YME1L1: variants seen among roughly 807,000 people sequenced by gnomAD.
YME1L1 encodes the protein YME1 like 1 ATPase.
In YME1L1, 39 loss-of-function variants were observed where a neutral mutation model predicts 90.4. That is an observed-to-expected ratio of 0.43 (90% confidence interval 0.33 to 0.56). The LOEUF is 0.56. YME1L1 is among the 20% of genes least tolerant of loss of function. The probability of loss-of-function intolerance (pLI) is 0.03; values close to 1 mark genes in which losing one functional copy is unlikely to be tolerated. For missense variants in YME1L1, 617 were observed against 868.4 expected, an observed-to-expected ratio of 0.71 and a Z score of 3.64; for synonymous variants, 284 against 287.3, an observed-to-expected ratio of 0.99 and a Z score of 0.12.
intron 4 of YME1L1, among the ~76,000 whole-genome samples, chr10:27,138,657 A>T (rs899955072): frequency 6.6e-6 from 1 of 152,190 alleles, no homozygotes; most frequent in African/African-American, 2.4e-5. Context: ...TGGTATGGAC[A>T]ATGCAGTGAA....
intron 8 of YME1L1, among the ~76,000 whole-genome samples, chr10:27,129,867 C>T (rs1393661378): frequency 1.3e-5 from 2 of 152,146 alleles, no homozygotes; most frequent in African/African-American, 2.4e-5. Context: ...ACCACTCATT[C>T]CTCCTCTCCC....
intron 2 of YME1L1, chr10:27,147,448 G>A (rs2057156213): frequency 1.9e-6 from 3 of 1,614,124 alleles, no homozygotes; most frequent in Non-Finnish European, 1.7e-6. Flanking sequence ...TAAGAACGAT[G>A]GACAAAACAA....
chr10:27,137,880 C>T (rs935750834), intron 4 of YME1L1, among the ~76,000 whole-genome samples: 4 of 151,920 alleles, frequency 2.6e-5, no homozygotes, highest in African/African-American at 9.7e-5. Flanking sequence ...CTTTGTCTTT[C>T]GATCATATAC....
intron 1 of YME1L1, among the ~76,000 whole-genome samples, chr10:27,150,603 C>T (rs1434888666): frequency 6.6e-6 from 1 of 152,180 alleles, no homozygotes; most frequent in African/African-American, 2.4e-5. Context: ...TCTGCTAGTC[C>T]TCACTGCTCA....
rs959551328 is a variant in YME1L1 at position 27,154,308 on chromosome 10, T to G, written c.-98A>C. The G allele has an allele frequency of 2.1e-6, 3 of 1,448,224 alleles. No homozygotes were observed. The African/African-American group carries it at 4.3e-5, about 21-fold the overall frequency. The allele number at this position is 1,448,224 out of a possible 1,614,324, so 89.7% of individuals were successfully genotyped here. Reference sequence around the variant, plus strand: ...CGCTGAGCCCTTCTTTTTTCCTTTTTCTCCGACCCGTTGCCCCTCACTCCT... The same window carrying G: ...CGCTGAGCCCTTCTTTTTTCCTTTTGCTCCGACCCGTTGCCCCTCACTCCT... On this transcript the variant is annotated 5_prime_UTR_variant, in exon 1 of 19. Coordinates refer to ENST00000376016, the MANE Select transcript of YME1L1 (RefSeq NM_014263.4).
In YME1L1 at chr10:27,112,019, C is replaced by G. The variant is rs763761249; in HGVS notation, c.2109G>C (p.Glu703Asp). ...TTTTCCCCTCAAGAACAATTTGAAT[C>G]TCTTTGGCATCCAAAGTCTCATAGG... ...LLTYETLDAK[E>D]IQIVLEGKKL... The change falls in exon 19 of 19, where the codon GAG (glutamate) becomes GAC (aspartate). Residue 703 changes from glutamate (E) to aspartate (D), a missense_variant. By Grantham distance (45) the Glu-to-Asp change is conservative. Transcript: ENST00000376016. 2 of 1,614,114 alleles carry G rather than the reference C, an allele frequency of 1.2e-6. No individual in the cohort carries two copies. Among genetic ancestry groups the G allele is most frequent in the South Asian group, 2.2e-5 (2 of 91,082 alleles).
intron 12 of YME1L1, among the ~76,000 whole-genome samples, chr10:27,120,774 A>C (rs2056859299): frequency 6.6e-6 from 1 of 152,210 alleles, no homozygotes. Flanking sequence ...GTACCTAGGT[A>C]GCCTACCCCT....
chr10:27,126,650 GT>G lies in YME1L1; in HGVS notation c.949+45del. The G allele has an allele frequency of 2.8e-6, 3 of 1,068,008 alleles. No individual in the cohort carries two copies. The South Asian group carries it at 5.0e-5, about 18-fold the overall frequency. 66.2% of individuals were successfully genotyped at this position (1,068,008 alleles called of 1,614,324 possible). ...ATAGGTTTTTTTTGTTTGTTTCTTT[GT>G]TTTTGTTTTTTCCATCAAATCATGA... On this transcript the variant is annotated intron_variant, in intron 9 of 18. Transcript: ENST00000376016.
intron 1 of YME1L1, among the ~76,000 whole-genome samples, chr10:27,149,971 G>A (rs1375442968): frequency 1.3e-5 from 2 of 151,998 alleles, no homozygotes; most frequent in African/African-American, 4.8e-5. Context: ...AGATACTTGG[G>A]AGGCAGAGGC....
In YME1L1 at chr10:27,119,387, G is replaced by A; in HGVS notation, c.1474C>T (p.Leu492Phe). The change falls in exon 14 of 19, where the codon CTT (leucine) becomes TTT (phenylalanine). Residue 492 changes from leucine to phenylalanine, a missense_variant. Leu to Phe is a conservative substitution (Grantham distance 22). Around this residue, in one of 4 missense-constraint regions of YME1L1, gnomAD observed 212 missense variants for 330.0 expected, o/e 0.64. Transcript: ENST00000376016. ...GCTTTTAATGCAGCCTGGTTCACAA[G>A]ATTCTCCAACTCTGCTCCGGAAAAG... ...VGFSGAELENLVNQAALKAAV... is the reference protein window; with the variant it reads ...VGFSGAELENFVNQAALKAAV... 6.2e-7 allele frequency: 1 copy of A among 1,613,706 alleles called. No individual in the cohort carries two copies.
intron 1 of YME1L1, 104 bp from the exon 2 acceptor site, chr10:27,149,144 A>G: frequency 6.0e-6 from 6 of 1,008,052 alleles, no homozygotes; most frequent in East Asian, 2.5e-5. Context: ...TACATTATAT[A>G]TCAACTCTGT....
chr10:27,116,184 T>C, intron 16 of YME1L1, 35 bp downstream of exon 16: 1 of 1,613,850 alleles, frequency 6.2e-7, no homozygotes, highest in Non-Finnish European at 8.5e-7. Flanking sequence ...TAAGACCACA[T>C]ATAATTTGAA....
At position 27,141,601 on chromosome 10, in the gene YME1L1, G is replaced by GACAC. The variant is rs60043957; in HGVS notation, c.430+782_430+785dup. Among the ~76,000 whole-genome samples the GACAC allele has an allele frequency of 6.1e-3, 869 of 141,562 alleles. 10 individuals carry two copies. Among genetic ancestry groups the GACAC allele is most frequent in the East Asian group, 0.038 (183 of 4,772 alleles). 92.9% of individuals were successfully genotyped at this position (141,562 alleles called of 152,430 possible). ...GAGTCTCCACAGACAGATGTCCCTC[G>GACAC]ACACACACACACACACACACACACA... On this transcript the variant is annotated intron_variant, in intron 4 of 18. Transcript: ENST00000376016.
In YME1L1 at chr10:27,110,236, A is replaced by G. The variant is rs141418676; in HGVS notation, c.*1741T>C. The G allele has an allele frequency of 2.6e-5, 4 of 152,356 alleles. 1 individual carries two copies. The highest frequency in any genetic ancestry group is 9.6e-5 in the African/African-American group (4 of 41,586). The allele number at this position is 152,356 out of a possible 1,614,324, so 9.4% of individuals were successfully genotyped here. A position where few individuals can be genotyped will look rare whatever the true frequency, so the allele number is the denominator to read the frequency against. ...TATGTACATACAGAGAGGGAGACAGAACAGGTTTGGGGCAATAAAAAACGG... is the reference window on the plus strand; with the variant it reads ...TATGTACATACAGAGAGGGAGACAGGACAGGTTTGGGGCAATAAAAAACGG... On this transcript the variant is annotated 3_prime_UTR_variant, in exon 19 of 19. Transcript: ENST00000376016.
chr10:27,132,348 C>T lies in YME1L1; in HGVS notation c.776-407G>A, dbSNP rs540738238. Among the ~76,000 whole-genome samples the T allele has an allele frequency of 9.9e-5, 15 of 152,112 alleles. No homozygotes were observed. In the South Asian group the frequency reaches 1.2e-3, roughly 13 times the overall value. ...TCCTGACCTCAGGTGATCCACCCGC[C>T]TCAGCCTCCCAAAGTGCTGGGATTA... On this transcript the variant is annotated intron_variant, in intron 7 of 18. Coordinates refer to ENST00000376016, the MANE Select transcript of YME1L1 (RefSeq NM_014263.4).
At chr10:27,129,761 T>G (rs2056958967) in intron 8 of YME1L1, among the ~76,000 whole-genome samples, 1 of 108,244 alleles carries the variant, frequency 9.2e-6, no homozygotes, top group Admixed American at 9.7e-5. Flanking sequence ...TTTGACTTAA[T>G]ATAAATTCAT....
chr10:27,147,452 A>C, intron 2 of YME1L1: 2 of 1,614,238 alleles, frequency 1.2e-6, no homozygotes, highest in Non-Finnish European at 1.7e-6. Flanking sequence ...AACGATGGAC[A>C]AAACAAATCA....
rs117297789 is a variant in YME1L1 at position 27,112,157 on chromosome 10, T to C, written c.2008-37A>G. 9,008 of 1,572,602 alleles carry C rather than the reference T, an allele frequency of 5.7e-3. 322 individuals carry two copies. In the East Asian group the frequency reaches 0.11, roughly 19 times the overall value. On this transcript the variant is annotated intron_variant, in intron 18 of 18. Transcript: ENST00000376016. Reference sequence around the variant, plus strand: ...AAGGAGATACGTAAGCAGCAGCAAATGCAGGGATGCGAAAACCAGTCAATG... The same window carrying C: ...AAGGAGATACGTAAGCAGCAGCAAACGCAGGGATGCGAAAACCAGTCAATG...
chr10:27,134,734 T>C (rs1298661424), intron 6 of YME1L1, 97 bp downstream of exon 6: 14 of 1,227,526 alleles, frequency 1.1e-5, no homozygotes, highest in African/African-American at 1.5e-5. Flanking sequence ...ATTTAATCAA[T>C]AGATGGTCTT....
Sources: allele counts gnomAD v4.1 joint callset (sites outside exome capture counted in the v4.1 genomes callset), GRCh38; gene constraint gnomAD v4.1.1; regional missense constraint gnomAD v4.1.1; transcripts MANE v1.5; gene names NCBI Gene and HGNC (gene_info 2026-07-23, HGNC 2026-07-21).